ADAMTSL4: variants seen among roughly 807,000 people sequenced by gnomAD.
ADAMTSL4 encodes the protein ADAMTS like 4, also known as ADAMTS-like protein 4.
In ADAMTSL4, 97 loss-of-function variants were observed where a neutral mutation model predicts 122.8. The ratio of observed to expected loss-of-function variants is 0.79; its 90% CI spans 0.67 to 0.93. The LOEUF (loss-of-function observed/expected upper bound fraction) is 0.93, where lower values mean the gene tolerates loss of function less well. Ranked by LOEUF, ADAMTSL4 falls within the 40% of genes least tolerant of loss-of-function variation. The pLI is 0.00. For synonymous variants in ADAMTSL4, 592 were observed against 568.0 expected, an observed-to-expected ratio of 1.04 and a Z score of -0.60; for missense variants, 1,408 against 1,453.5, an observed-to-expected ratio of 0.97 and a Z score of 0.51.
chr1:150,560,155 T>C lies in ADAMTSL4; in HGVS notation c.3184T>C (p.Cys1062Arg). ...PYYTATCCRS[C>R]AHVLERSPQD... ...CTACACAGCCACCTGTTGCCGCTCT[T>C]GCGCACATGTCCTGGAGCGGTCTCC... Residue 1062 changes from cysteine to arginine, a missense_variant, in exon 19 of 19, where the codon TGC (cysteine) becomes CGC (arginine). Transcript: ENST00000271643. 1 of 1,614,042 alleles carries C rather than the reference T, an allele frequency of 6.2e-7. No individual in the cohort carries two copies. The highest frequency in any genetic ancestry group is 8.5e-7 in the Non-Finnish European group (1 of 1,179,998).
Position 150,556,711 on chromosome 1 carries a change from G to T in ADAMTSL4, c.1667G>T (p.Arg556Leu). 6.2e-7 allele frequency: 1 copy of T among 1,614,000 alleles called. No homozygotes were observed. Among genetic ancestry groups the T allele is most frequent in the Non-Finnish European group, 8.5e-7 (1 of 1,179,974 alleles). Residue 556 changes from arginine to leucine, a missense_variant, in exon 10 of 19, where the codon CGA (arginine) becomes CTA (leucine). Physicochemically the swap from Arg to Leu is moderately radical, Grantham distance 102. Transcript: ENST00000271643. This position sits in a 1 kb window ranked among gnomAD's most constrained non-coding sequence, Gnocchi z 4.1. ...GSYRAGGTVF[R>L]YNRPPREEGK... ...TACAGGGCCGGCGGGACCGTCTTTCGATATAACCGTCCTCCCAGGGAGGAG... is the reference window on the plus strand; with the variant it reads ...TACAGGGCCGGCGGGACCGTCTTTCTATATAACCGTCCTCCCAGGGAGGAG...
At position 150,560,218 on chromosome 1, in the gene ADAMTSL4, C is replaced by T. The variant is rs763093898; in HGVS notation, c.*22C>T. On this transcript the variant is annotated 3_prime_UTR_variant, in exon 19 of 19. Transcript: ENST00000271643. ...CTGAAAGGGGTCCGGGGCACCTTCA[C>T]GGTTTTCTGTGCCACCATCGGTCAC... 5 of 1,613,336 alleles carry T rather than the reference C, an allele frequency of 3.1e-6. No individual in the cohort carries two copies. The highest frequency in any genetic ancestry group is 1.3e-5 in the African/African-American group (1 of 74,902).
In ADAMTSL4 at chr1:150,554,023, C is replaced by T. The variant is rs370107497; in HGVS notation, c.1032C>T (p.Asn344=). Residue 344 remains asparagine (N), a synonymous_variant, in exon 6 of 19, where the codon AAC becomes AAT. Coordinates refer to ENST00000271643, the MANE Select transcript of ADAMTSL4 (RefSeq NM_019032.6). This position sits in a 1 kb window ranked among gnomAD's most constrained non-coding sequence, Gnocchi z 4.0. The stretch of plus-strand genomic sequence containing the variant: ...GCGCCTGGCTGCCCCTGCTGAGCAA[C>T]GGCCCCCATGCCAGCTCCCTCTGGA... The part of the protein sequence containing the change: ...HPGAWLPLLS[N]GPHASSLWSL... The T allele has an allele frequency of 1.9e-4, 300 of 1,611,172 alleles. No individual in the cohort carries two copies. Among genetic ancestry groups the T allele is most frequent in the Middle Eastern group, 1.6e-3 (10 of 6,068 alleles).
At chr1:150,550,620 G>A (rs1319387051) in intron 2 of ADAMTSL4, 1 of 399,824 alleles carries the variant, frequency 2.5e-6, no homozygotes, top group Admixed American at 3.0e-5. Context: ...CTCAGCTGGA[G>A]TAACAAGAGT....
At position 150,557,967 on chromosome 1, in the gene ADAMTSL4, TC is replaced by T. The variant is rs1672366300; in HGVS notation, c.2202del (p.Cys735AlafsTer84). Reference sequence around the variant, plus strand: ...CAGCTGGGAGGCTGGCGAGTGGACATCCTGCAGCCGCTCCTGTGGCCCCGGC... The same window carrying T: ...CAGCTGGGAGGCTGGCGAGTGGACATCTGCAGCCGCTCCTGTGGCCCCGGC... ...PPYWEAGEWT[S>X]CSRSCGPGTQ... On this transcript the variant is annotated frameshift_variant, in exon 14 of 19. Coordinates refer to ENST00000271643, the MANE Select transcript of ADAMTSL4 (RefSeq NM_019032.6). LOFTEE classifies it high-confidence loss of function. 1 of 1,609,148 alleles carries T rather than the reference TC, an allele frequency of 6.2e-7. No homozygotes were observed. The highest frequency in any genetic ancestry group is 1.3e-5 in the African/African-American group (1 of 74,878).
chr1:150,560,363 G>T lies in ADAMTSL4; in HGVS notation c.*167G>T. The T allele has an allele frequency of 9.0e-7, 1 of 1,116,530 alleles. No homozygotes were observed. The highest frequency in any genetic ancestry group is 1.3e-6 in the Non-Finnish European group (1 of 789,704). The allele number at this position is 1,116,530 out of a possible 1,614,324, so 69.2% of individuals were successfully genotyped here. On this transcript the variant is annotated 3_prime_UTR_variant, in exon 19 of 19. Transcript: ENST00000271643. ...GACACAAAGTGACTTTCAGGGCTGT[G>T]GTCAGGCCCATGTGGTGGTGTGATG...
chr1:150,558,119 C>A lies in ADAMTSL4; in HGVS notation c.2352C>A (p.Gly784=). The A allele has an allele frequency of 6.2e-7, 1 of 1,613,388 alleles. No individual in the cohort carries two copies. The highest frequency in any genetic ancestry group is 1.6e-4 in the Middle Eastern group (1 of 6,062). Residue 784 remains glycine, a synonymous_variant, in exon 14 of 19, where the codon GGC becomes GGA. Coordinates refer to ENST00000271643, the MANE Select transcript of ADAMTSL4 (RefSeq NM_019032.6). ...ITQSCQLRLC[G]HWEVGSPWSQ... is the part of the protein sequence containing the mutation. ...AGTCTTGCCAGCTGCGCCTCTGTGG[C>A]CATTGGGAAGTTGGCTCTCCTTGGA... is the stretch of plus-strand genomic sequence containing the variant.
rs10888382 is a variant in ADAMTSL4, at chr1:150,558,532, T to G, written c.2442T>G (p.Asn814Lys). 4 of 1,613,702 alleles carry G rather than the reference T, an allele frequency of 2.5e-6. No individual in the cohort carries two copies. The African/African-American group carries it at 5.3e-5, about 22-fold the overall frequency. ...RSRQVRCVGNNGDEVSEQECA... is the reference protein window; with the variant it reads ...RSRQVRCVGNKGDEVSEQECA... ...GGCAGGTTCGCTGTGTTGGGAACAA[T>G]GGTGATGAAGTGAGCGAGCAGGAGT... The change falls in exon 15 of 19, where the codon AAT becomes AAG. Residue 814 changes from asparagine (N) to lysine (K), a missense_variant. Coordinates refer to ENST00000271643, the MANE Select transcript of ADAMTSL4 (RefSeq NM_019032.6).
rs1249062061 is a variant in ADAMTSL4, at chr1:150,552,471, G to C, written c.21-72G>C. 5 of 1,604,626 alleles carry C rather than the reference G, an allele frequency of 3.1e-6. No homozygotes were observed. The African/African-American group carries it at 4.0e-5, about 13-fold the overall frequency. ...TAGTCAGGATATGGGAGCCGGCTGG[G>C]GGCGGAGGGCAGTGTTGCAACACCC... is the stretch of plus-strand genomic sequence containing the variant. On this transcript the variant is annotated intron_variant, in intron 3 of 18. Coordinates refer to ENST00000271643, the MANE Select transcript of ADAMTSL4 (RefSeq NM_019032.6). The surrounding 1 kb of genome is among the most constrained non-coding windows in gnomAD (Gnocchi z 4.0).
Position 150,552,472 on chromosome 1 carries a change from G to A in ADAMTSL4, c.21-71G>A. ...AGTCAGGATATGGGAGCCGGCTGGG[G>A]GCGGAGGGCAGTGTTGCAACACCCC... On this transcript the variant is annotated intron_variant, in intron 3 of 18. Coordinates refer to ENST00000271643, the MANE Select transcript of ADAMTSL4 (RefSeq NM_019032.6). The surrounding 1 kb of genome is among the most constrained non-coding windows in gnomAD (Gnocchi z 4.0). 1 of 1,605,318 alleles carries A rather than the reference G, an allele frequency of 6.2e-7. No individual in the cohort carries two copies. The highest frequency in any genetic ancestry group is 1.7e-5 in the Admixed American group (1 of 59,892).
In ADAMTSL4 at chr1:150,553,669, C is replaced by G. The variant is rs375539424; in HGVS notation, c.678C>G (p.Pro226=). 30 of 1,613,416 alleles carry G rather than the reference C, an allele frequency of 1.9e-5. No homozygotes were observed. Among genetic ancestry groups the G allele is most frequent in the Admixed American group, 1.2e-4 (7 of 59,920 alleles). Residue 226 remains proline (P), a synonymous_variant, in exon 6 of 19, where the codon CCC becomes CCG. Transcript: ENST00000271643. The part of the protein sequence containing the change: ...PTELSVHTPS[P]QAEPLSPETA... ...AACTGTCTGTCCACACCCCATCCCC[C>G]CAAGCAGAACCTCTAAGCCCTGAAA...
rs752239347 is a variant in ADAMTSL4, at chr1:150,556,649, C to T, written c.1605C>T (p.Ile535=). 7 of 1,614,066 alleles carry T rather than the reference C, an allele frequency of 4.3e-6. No homozygotes were observed. In the South Asian group the frequency reaches 6.6e-5, roughly 15 times the overall value. The change falls in exon 10 of 19, where the codon ATC becomes ATT. Residue 535 remains isoleucine (I), a synonymous_variant. Coordinates refer to ENST00000271643, the MANE Select transcript of ADAMTSL4 (RefSeq NM_019032.6). The surrounding 1 kb of genome is among the most constrained non-coding windows in gnomAD (Gnocchi z 4.1). ...LALRGPGGRS[I]INGNWAVDPP... Reference sequence around the variant, plus strand: ...TTCGTGGCCCTGGGGGCCGGTCCATCATCAATGGGAACTGGGCTGTGGATC... The same window carrying T: ...TTCGTGGCCCTGGGGGCCGGTCCATTATCAATGGGAACTGGGCTGTGGATC...
rs780510083 is a variant in ADAMTSL4, at chr1:150,559,926, A to G, written c.3088+21A>G. 6.2e-7 allele frequency: 1 copy of G among 1,613,754 alleles called. No individual in the cohort carries two copies. The highest frequency in any genetic ancestry group is 1.1e-5 in the South Asian group (1 of 91,082). ...CCCTGGTAAAGAGCCCCCTCTCCCC[A>G]ATCCCCAATACAGTGGATTAGCTGA... On this transcript the variant is annotated intron_variant, in intron 18 of 18. Coordinates refer to ENST00000271643, the MANE Select transcript of ADAMTSL4 (RefSeq NM_019032.6). The surrounding 1 kb of genome is among the most constrained non-coding windows in gnomAD (Gnocchi z 4.1).
At position 150,552,117 on chromosome 1, in the gene ADAMTSL4, C is replaced by A. The variant is rs968839885; in HGVS notation, c.-84-88C>A. 1.5e-6 allele frequency: 1 copy of A among 673,596 alleles called. No individual in the cohort carries two copies. 41.7% of individuals were successfully genotyped at this position (673,596 alleles called of 1,614,324 possible). A position where few individuals can be genotyped will look rare whatever the true frequency, so the allele number is the denominator to read the frequency against. On this transcript the variant is annotated intron_variant, in intron 2 of 18. Transcript: ENST00000271643. This position sits in a 1 kb window ranked among gnomAD's most constrained non-coding sequence, Gnocchi z 4.0. ...ATCCTAAAGGGATGGACCAGTTTCACCCCCTCCTCCATATTCTCTGAGCTG... is the reference window on the plus strand; with the variant it reads ...ATCCTAAAGGGATGGACCAGTTTCAACCCCTCCTCCATATTCTCTGAGCTG...
At position 150,558,055 on chromosome 1, in the gene ADAMTSL4, C is replaced by A; in HGVS notation, c.2288C>A (p.Pro763Gln). 6.2e-7 allele frequency: 1 copy of A among 1,613,054 alleles called. No individual in the cohort carries two copies. Among genetic ancestry groups the A allele is most frequent in the Non-Finnish European group, 8.5e-7 (1 of 1,179,984 alleles). The stretch of plus-strand genomic sequence containing the variant: ...GGGGGGGGTGGCTCCTCGGTGCCCC[C>A]GGAGCGCTGTGGACATCTCCCCCGG... ...EFGGGGSSVP[P>Q]ERCGHLPRPN... The change falls in exon 14 of 19, where the codon CCG becomes CAG. Residue 763 changes from proline to glutamine, a missense_variant. Transcript: ENST00000271643.
Position 150,553,468 on chromosome 1 carries a change from T to A in ADAMTSL4, c.477T>A (p.Tyr159Ter), listed in dbSNP as rs376791448. ...RDPIKPGMFG[Y>*]GRVPFALPLH... is the part of the protein sequence containing the mutation. ...CCATCAAGCCAGGAATGTTCGGTTA[T>A]GGGAGAGTGCCCTTTGCATTGCCAC... The change falls in exon 6 of 19, where the codon TAT (tyrosine) becomes TAA (stop). Residue 159 changes from tyrosine to a stop codon, truncating the protein, a stop_gained. Coordinates refer to ENST00000271643, the MANE Select transcript of ADAMTSL4 (RefSeq NM_019032.6). LOFTEE classifies it high-confidence loss of function. 1.2e-6 allele frequency: 2 copies of A among 1,613,808 alleles called. No homozygotes were observed. Among genetic ancestry groups the A allele is most frequent in the Non-Finnish European group, 1.7e-6 (2 of 1,179,984 alleles).
rs777641907 is a variant in ADAMTSL4 at position 150,558,087 on chromosome 1, A to G, written c.2320A>G (p.Ile774Val). ...CTGTGGACATCTCCCCCGGCCCAAC[A>G]TCACCCAGTCTTGCCAGCTGCGCCT... ...ERCGHLPRPN[I>V]TQSCQLRLCG... The change falls in exon 14 of 19, where the codon ATC (isoleucine) becomes GTC (valine). Residue 774 changes from isoleucine (I) to valine (V), a missense_variant. Physicochemically the swap from Ile to Val is conservative, Grantham distance 29. Transcript: ENST00000271643. The G allele has an allele frequency of 4.3e-6, 7 of 1,613,136 alleles. No homozygotes were observed. The Admixed American group carries it at 5.0e-5, about 12-fold the overall frequency.
chr1:150,558,617 A>G lies in ADAMTSL4; in HGVS notation c.2527A>G (p.Thr843Ala), dbSNP rs780806985. ...GGCCTGTGACATGGGGCCCTGTACTACTGCCTGGTTCCACAGCGACTGGAG... is the reference window on the plus strand; with the variant it reads ...GGCCTGTGACATGGGGCCCTGTACTGCTGCCTGGTTCCACAGCGACTGGAG... ...REACDMGPCT[T>A]AWFHSDWSSK... Residue 843 changes from threonine to alanine, a missense_variant, in exon 15 of 19, where the codon ACT becomes GCT. Coordinates refer to ENST00000271643, the MANE Select transcript of ADAMTSL4 (RefSeq NM_019032.6). 15 of 1,613,806 alleles carry G rather than the reference A, an allele frequency of 9.3e-6. No homozygotes were observed. In the African/African-American group the frequency reaches 1.7e-4, roughly 19 times the overall value.
At chr1:150,553,344 T>A in intron 5 of ADAMTSL4, 82 bp from the exon 6 acceptor site, 2 of 1,605,662 alleles carry the variant, frequency 1.2e-6, no homozygotes, top group African/African-American at 2.7e-5. Flanking sequence ...AGAGGGCTTG[T>A]CTTTGGTGCC....
Sources: allele counts gnomAD v4.1 joint callset, GRCh38; gene constraint gnomAD v4.1.1; non-coding constraint Gnocchi (gnomAD v3.1); transcripts MANE v1.5; gene names NCBI Gene and HGNC (gene_info 2026-07-23, HGNC 2026-07-21).